Variants in EPHA4 observed in about 807,000 individuals in gnomAD.
EPHA4 encodes the protein EPH receptor A4, also known as ephrin type-A receptor 4.
A neutral mutation model predicts 108.3 loss-of-function variants in EPHA4; 19 were observed. The ratio of observed to expected loss-of-function variants is 0.18; its 90% CI spans 0.12 to 0.26. The LOEUF (loss-of-function observed/expected upper bound fraction) is 0.26. Among genes scored for constraint, EPHA4 ranks in the 10% least tolerant of loss-of-function variants. The pLI, the probability that EPHA4 is intolerant of heterozygous loss-of-function variation, is 1.00. For synonymous variants in EPHA4, 449 were observed against 455.5 expected, an observed-to-expected ratio of 0.99 and a Z score of 0.18; for missense variants, 917 against 1,254.0, an observed-to-expected ratio of 0.73 and a Z score of 4.06.
intron 3 of EPHA4, among the ~76,000 whole-genome samples, chr2:221,561,801 T>C (rs1052800942): frequency 6.6e-6 from 1 of 152,232 alleles, no homozygotes; most frequent in African/African-American, 2.4e-5. Flanking sequence ...TGAAAATCAA[T>C]GACATTAGAT....
At chr2:221,501,269 C>T (rs140742769) in intron 3 of EPHA4, 97 bp from the exon 4 acceptor site, 42 of 1,104,028 alleles carry the variant, frequency 3.8e-5, no homozygotes, top group Middle Eastern at 2.3e-4. Context: ...AGAAGGGAGA[C>T]GTTCTTGCTA....
intron 11 of EPHA4, among the ~76,000 whole-genome samples, chr2:221,440,569 C>T (rs1275793822): frequency 6.6e-6 from 1 of 151,142 alleles, no homozygotes; most frequent in Non-Finnish European, 1.5e-5. Flanking sequence ...ATAGCCTTCA[C>T]CTTATGCGGA....
intron 5 of EPHA4, among the ~76,000 whole-genome samples, chr2:221,481,792 A>G (rs1691828556): frequency 6.6e-6 from 1 of 152,252 alleles, no homozygotes; most frequent in South Asian, 2.1e-4. Context: ...ACATTAAAGC[A>G]TAAGATCAAA....
At position 221,566,943 on chromosome 2, in the gene EPHA4, G is replaced by GA. The variant is rs1559297325; in HGVS notation, c.159+1774_159+1775insT. On this transcript the variant is annotated intron_variant, in intron 2 of 17. Transcript: ENST00000281821. ...AGGAGAAGGAGAAGGAGAAGGAGAAGGAGAAGGAGAAGGGGAAGAGGAAGA... is the reference window on the plus strand; with the variant it reads ...AGGAGAAGGAGAAGGAGAAGGAGAAGAGAGAAGGAGAAGGGGAAGAGGAAGA... Among the ~76,000 whole-genome samples, 20 of 76,798 alleles carry GA rather than the reference G, an allele frequency of 2.6e-4. 6 individuals are homozygous for GA. Among genetic ancestry groups the GA allele is most frequent in the African/African-American group, 1.4e-3 (18 of 13,296 alleles). The allele number at this position is 76,798 out of a possible 152,430, so 50.4% of individuals were successfully genotyped here.
rs749787951 is a variant in EPHA4, at chr2:221,501,178, G to C, written c.824-6C>G. 1.2e-5 allele frequency: 19 copies of C among 1,566,370 alleles called. No individual in the cohort carries two copies. The East Asian group carries it at 4.2e-4, about 34-fold the overall frequency. On this transcript the variant is annotated splice_region_variant and splice_polypyrimidine_tract_variant and intron_variant, in intron 3 of 17. Coordinates refer to ENST00000281821, the MANE Select transcript of EPHA4 (RefSeq NM_004438.5). ...GTAATATCCAATTTTGCAAGCTGCA[G>C]GGAAGAAGAAAAAAACAAACAAATA...
At chr2:221,458,011 A>G in intron 5 of EPHA4, 21 bp from the exon 6 acceptor site, 1 of 1,598,294 alleles carries the variant, frequency 6.3e-7, no homozygotes, top group Non-Finnish European at 8.5e-7. Flanking sequence ...AAAACAAAAG[A>G]CAAAAGATAT....
At chr2:221,542,411 T>G (rs906169303) in intron 3 of EPHA4, among the ~76,000 whole-genome samples, 2 of 152,136 alleles carry the variant, frequency 1.3e-5, no homozygotes, top group Admixed American at 1.3e-4. Context: ...CAGAAACAAT[T>G]GATTACACAG....
At chr2:221,492,010 G>GA (rs1398538962) in intron 4 of EPHA4, among the ~76,000 whole-genome samples, 1 of 151,702 alleles carries the variant, frequency 6.6e-6, no homozygotes, top group Non-Finnish European at 1.5e-5. Context: ...CTTAAAAAAA[G>GA]AAAAAAAGAA....
At chr2:221,436,774 T>C (rs1171573154) in intron 12 of EPHA4, among the ~76,000 whole-genome samples, 166 bp from the exon 13 acceptor site, 2 of 152,232 alleles carry the variant, frequency 1.3e-5, no homozygotes, top group African/African-American at 4.8e-5. Flanking sequence ...ACTAGTAGAC[T>C]GTACCCTAGG....
intron 3 of EPHA4, among the ~76,000 whole-genome samples, chr2:221,561,897 C>T (rs1694478335): frequency 6.6e-6 from 1 of 152,094 alleles, no homozygotes; most frequent in Non-Finnish European, 1.5e-5. Flanking sequence ...ATATAAGAAT[C>T]TTGACATGTG....
At chr2:221,472,351 T>C (rs1167249311) in intron 5 of EPHA4, among the ~76,000 whole-genome samples, 1 of 151,108 alleles carries the variant, frequency 6.6e-6, no homozygotes, top group East Asian at 1.9e-4. Context: ...GATTTCCAGC[T>C]TGCAGTATGT....
chr2:221,467,638 G>A (rs1285279041), intron 5 of EPHA4, among the ~76,000 whole-genome samples: 4 of 152,128 alleles, frequency 2.6e-5, no homozygotes, highest in African/African-American at 4.8e-5. Context: ...TCATAGGATC[G>A]GTTATAAAAT....
intron 3 of EPHA4, among the ~76,000 whole-genome samples, chr2:221,524,538 T>C (rs775341670): frequency 3.9e-5 from 6 of 152,188 alleles, no homozygotes; most frequent in Non-Finnish European, 7.3e-5. Flanking sequence ...GGGATGAATG[T>C]CACCTGGGAA....
intron 3 of EPHA4, among the ~76,000 whole-genome samples, chr2:221,518,470 T>G (rs1364702327): frequency 2.0e-5 from 3 of 152,224 alleles, no homozygotes; most frequent in African/African-American, 4.8e-5. Context: ...CCATCCTGTT[T>G]ACTATTACAT....
intron 9 of EPHA4, among the ~76,000 whole-genome samples, chr2:221,444,907 A>C (rs1241794705): frequency 6.6e-6 from 1 of 151,754 alleles, no homozygotes; most frequent in Non-Finnish European, 1.5e-5. Context: ...ACAGGCGTGC[A>C]TTATCATGCC....
intron 3 of EPHA4, among the ~76,000 whole-genome samples, chr2:221,544,963 T>C (rs935597744): frequency 3.3e-5 from 5 of 152,130 alleles, no homozygotes; most frequent in African/African-American, 9.7e-5. Flanking sequence ...TGATGAACCC[T>C]TGATCATGAG....
chr2:221,448,867 T>C (rs919404291), intron 8 of EPHA4, among the ~76,000 whole-genome samples: 1 of 152,124 alleles, frequency 6.6e-6, no homozygotes, highest in African/African-American at 2.4e-5. Context: ...GAATATACCA[T>C]AGAAACCCAT....
At chr2:221,421,097 A>G (rs1689747448) in intron 17 of EPHA4, among the ~76,000 whole-genome samples, 1 of 152,094 alleles carries the variant, frequency 6.6e-6, no homozygotes, top group African/African-American at 2.4e-5. Context: ...GGAGATTGAG[A>G]CCATCCTGGC....
chr2:221,542,081 C>G (rs993203517), intron 3 of EPHA4, among the ~76,000 whole-genome samples: 1 of 152,190 alleles, frequency 6.6e-6, no homozygotes, highest in African/African-American at 2.4e-5. Context: ...AAAGTCTACT[C>G]TGTTTCTAAA....
Sources: gnomAD v4.1 joint callset for allele counts (sites outside exome capture counted in the v4.1 genomes callset) on GRCh38, gnomAD v4.1.1 for gene constraint, MANE v1.5 for transcripts, NCBI Gene and HGNC (gene_info 2026-07-23, HGNC 2026-07-21) for gene names.